The following P3H2 variants were observed in gnomAD, a reference collection of about 807,000 sequenced individuals.
P3H2 encodes the protein leprecan-like 1.
A neutral mutation model predicts 87.0 loss-of-function variants in P3H2; 80 were observed. The ratio of observed to expected loss-of-function variants is 0.92; its 90% CI spans 0.77 to 1.11. The LOEUF (loss-of-function observed/expected upper bound fraction) is 1.11. Ranked by LOEUF, P3H2 falls within the 50% of genes least tolerant of loss-of-function variation. P3H2 has a pLI of 0.00. For missense variants in P3H2, 1,001 were observed against 923.9 expected (o/e 1.08, Z -1.08); for synonymous variants, 367 against 359.3 (o/e 1.02, Z -0.24).
intron 1 of P3H2, among the ~76,000 whole-genome samples, chr3:190,068,720 G>A (rs1726596001): frequency 6.6e-6 from 1 of 152,052 alleles, no homozygotes; most frequent in Admixed American, 6.6e-5. Flanking sequence ...TCCTGAGGGA[G>A]AAGGCTTATC....
chr3:190,049,504 T>C (rs1725908608), intron 1 of P3H2, among the ~76,000 whole-genome samples: 1 of 152,240 alleles, frequency 6.6e-6, no homozygotes, highest in Non-Finnish European at 1.5e-5. Context: ...GTTGTTGATA[T>C]GTGACAAATA....
intron 1 of P3H2, among the ~76,000 whole-genome samples, chr3:190,076,394 T>C (rs1415109171): frequency 6.6e-6 from 1 of 152,120 alleles, no homozygotes. Flanking sequence ...CTCTAGGAAA[T>C]GGAACACTGG....
chr3:190,039,229 G>A (rs1477140612), intron 1 of P3H2, among the ~76,000 whole-genome samples: 4 of 151,728 alleles, frequency 2.6e-5, no homozygotes, highest in Non-Finnish European at 5.9e-5. Flanking sequence ...TGTAAGGAAG[G>A]ACAATTTTAT....
chr3:189,994,313 C>CAAAG (rs67827757), intron 2 of P3H2, 30 bp from the exon 3 acceptor site: 78 of 1,481,394 alleles, frequency 5.3e-5, no homozygotes, highest in Non-Finnish European at 6.7e-5. Context: ...AAAAAACAAA[C>CAAAG]AAACAAACAA....
intron 1 of P3H2, among the ~76,000 whole-genome samples, chr3:190,009,933 C>G (rs1369768525): frequency 1.3e-5 from 2 of 152,074 alleles, no homozygotes. Context: ...TGACTTGAAA[C>G]TTATTAAATC....
chr3:190,093,810 G>A (rs1056035159), intron 1 of P3H2, among the ~76,000 whole-genome samples: 4 of 152,138 alleles, frequency 2.6e-5, no homozygotes, highest in South Asian at 4.1e-4. Context: ...GGCTTTTTTG[G>A]TAAGTTTTAG....
At chr3:190,016,420 A>G (rs1215470193) in intron 1 of P3H2, among the ~76,000 whole-genome samples, 2 of 151,428 alleles carry the variant, frequency 1.3e-5, no homozygotes, top group African/African-American at 4.9e-5. Context: ...ATTTTTTGTA[A>G]TTTTAGTAGA....
chr3:190,016,801 C>T (rs1268427521), intron 1 of P3H2, among the ~76,000 whole-genome samples: 1 of 152,182 alleles, frequency 6.6e-6, no homozygotes, highest in East Asian at 1.9e-4. Flanking sequence ...TGACCCCCTT[C>T]TTGCACGCAT....
intron 1 of P3H2, among the ~76,000 whole-genome samples, chr3:190,028,867 C>A (rs751012739): frequency 6.6e-6 from 1 of 152,046 alleles, no homozygotes; most frequent in Admixed American, 6.6e-5. Context: ...TCCTTAAAAG[C>A]CCCAAACATA....
chr3:189,989,059 CG>C (rs1560350752), intron 3 of P3H2, 21 bp from the exon 4 acceptor site: 1 of 1,613,884 alleles, frequency 6.2e-7, no homozygotes, highest in Admixed American at 1.7e-5. Context: ...AGAGCCAATA[CG>C]TGTGTTCCTC....
At chr3:190,041,023 T>C (rs1210298116) in intron 1 of P3H2, among the ~76,000 whole-genome samples, 2 of 34,042 alleles carry the variant, frequency 5.9e-5, no homozygotes, top group Non-Finnish European at 1.2e-4. Flanking sequence ...GGCTCTACTA[T>C]ATATATATAT....
At position 189,958,008 on chromosome 3, in the gene P3H2, CA is replaced by C; in HGVS notation, c.2035-5del. ...CTTCATCAGCCTGTATTCGCTCCTG[CA>C]AAAAAGACAATTTACACATTTCTGT... On this transcript the variant is annotated splice_region_variant and splice_polypyrimidine_tract_variant and intron_variant, in intron 14 of 14. Coordinates refer to ENST00000319332, the MANE Select transcript of P3H2 (RefSeq NM_018192.4). The C allele has an allele frequency of 1.2e-6, 2 of 1,604,768 alleles. No individual in the cohort carries two copies. Among genetic ancestry groups the C allele is most frequent in the Non-Finnish European group, 1.7e-6 (2 of 1,171,498 alleles).
chr3:190,041,985 A>AC (rs1365292965), intron 1 of P3H2, among the ~76,000 whole-genome samples: 2 of 152,314 alleles, frequency 1.3e-5, no homozygotes, highest in East Asian at 3.9e-4. Flanking sequence ...CACATTCCCC[A>AC]CGGGGCAATT....
At chr3:190,057,471 T>C (rs1489444252) in intron 1 of P3H2, among the ~76,000 whole-genome samples, 1 of 152,166 alleles carries the variant, frequency 6.6e-6, no homozygotes, top group East Asian at 1.9e-4. Flanking sequence ...CTCATGACTT[T>C]CTTCTAAGGC....
At position 190,107,078 on chromosome 3, in the gene P3H2, CA is replaced by C. The variant is rs74469065; in HGVS notation, c.480+13173del. Among the ~76,000 whole-genome samples the C allele has an allele frequency of 7.0e-3, 1,070 of 152,204 alleles. 19 individuals carry two copies. The East Asian group carries it at 0.075, about 11-fold the overall frequency. ...GTCATTTTGCTATTTCAGGTTTCTT[CA>C]AAATCTGTTTTGAAAACAAAATGTA... On this transcript the variant is annotated intron_variant, in intron 1 of 14. Coordinates refer to ENST00000319332, the MANE Select transcript of P3H2 (RefSeq NM_018192.4).
At chr3:189,968,387 T>C (rs1723066396) in intron 13 of P3H2, among the ~76,000 whole-genome samples, 5 of 152,184 alleles carry the variant, frequency 3.3e-5, no homozygotes, top group Admixed American at 3.3e-4. Context: ...GAATGATGGT[T>C]TCCAGCTTCA....
intron 1 of P3H2, among the ~76,000 whole-genome samples, chr3:190,024,830 TACAG>T (rs1028162736): frequency 6.6e-6 from 1 of 152,192 alleles, no homozygotes; most frequent in Non-Finnish European, 1.5e-5. Flanking sequence ...ACATTTTTCT[TACAG>T]ACAATGTTAA....
At chr3:190,018,008 T>C (rs1312872794) in intron 1 of P3H2, among the ~76,000 whole-genome samples, 1 of 152,204 alleles carries the variant, frequency 6.6e-6, no homozygotes, top group African/African-American at 2.4e-5. Context: ...TTCTCATGAA[T>C]TGTCAGGTGG....
chr3:190,043,351 G>A (rs1435010250), intron 1 of P3H2, among the ~76,000 whole-genome samples: 4 of 152,184 alleles, frequency 2.6e-5, no homozygotes, highest in Non-Finnish European at 4.4e-5. Flanking sequence ...GGAGCCTACT[G>A]ATGAATGGAG....
Sources: gnomAD v4.1 joint callset for allele counts (sites outside exome capture counted in the v4.1 genomes callset) on GRCh38, gnomAD v4.1.1 for gene constraint, MANE v1.5 for transcripts, NCBI Gene and HGNC (gene_info 2026-07-23, HGNC 2026-07-21) for gene names.